The following C2orf42 variants were observed in gnomAD, a reference collection of about 807,000 sequenced individuals.
The protein encoded by C2orf42 is uncharacterized protein C2orf42.
In C2orf42, 44 loss-of-function variants were observed where a neutral mutation model predicts 58.9. The ratio of observed to expected loss-of-function variants is 0.75; its 90% CI spans 0.59 to 0.96. The LOEUF (loss-of-function observed/expected upper bound fraction) is 0.96. Among genes scored for constraint, C2orf42 ranks in the 40% least tolerant of loss-of-function variants. The probability of loss-of-function intolerance (pLI) is 0.00; values close to 1 mark genes in which losing one functional copy is unlikely to be tolerated. For missense variants in C2orf42, 630 were observed against 699.2 expected, an observed-to-expected ratio of 0.90 and a Z score of 1.12; for synonymous variants, 239 against 265.4, an observed-to-expected ratio of 0.90 and a Z score of 0.97.
chr2:70,158,007 C>T (rs1324897541), intron 9 of C2orf42, among the ~76,000 whole-genome samples: 1 of 151,930 alleles, frequency 6.6e-6, no homozygotes, highest in Non-Finnish European at 1.5e-5. Flanking sequence ...TCGACATCAG[C>T]CTGGTTAACA....
At chr2:70,189,752 C>A (rs1249764090) in intron 1 of C2orf42, among the ~76,000 whole-genome samples, 2 of 148,460 alleles carry the variant, frequency 1.3e-5, no homozygotes, top group Admixed American at 6.8e-5. Context: ...AGTAGCTGGA[C>A]GTGGTGGCTC....
At chr2:70,161,529 CATGT>C (rs1442985885) in intron 8 of C2orf42, among the ~76,000 whole-genome samples, 1 of 152,068 alleles carries the variant, frequency 6.6e-6, no homozygotes, top group Non-Finnish European at 1.5e-5. Flanking sequence ...CTAGGGTTCA[CATGT>C]ATTTACTTTT....
chr2:70,150,937 G>T (rs547356862), intron 9 of C2orf42, among the ~76,000 whole-genome samples: 1 of 152,234 alleles, frequency 6.6e-6, no homozygotes, highest in South Asian at 2.1e-4. Flanking sequence ...AGTAGAGATG[G>T]GGTTTCATCG....
chr2:70,160,741 G>A lies in C2orf42; in HGVS notation c.1400C>T (p.Thr467Ile). The change falls in exon 9 of 10, where the codon ACT becomes ATT. Residue 467 changes from threonine to isoleucine, a missense_variant. Transcript: ENST00000264434. Reference protein sequence around the residue: ...TRSFIQNRDGTYELFKCPKVE... With the variant: ...TRSFIQNRDGIYELFKCPKVE... The stretch of plus-strand genomic sequence containing the variant: ...TTTAGGGCATTTAAATAGCTCATAA[G>A]TCCCATCTCGGTTCTGGATAAAGCT... The A allele has an allele frequency of 6.2e-7, 1 of 1,611,062 alleles. No homozygotes were observed. Among genetic ancestry groups the A allele is most frequent in the Non-Finnish European group, 8.5e-7 (1 of 1,178,700 alleles).
chr2:70,177,211 G>T (rs932023629), intron 4 of C2orf42, among the ~76,000 whole-genome samples: 1 of 151,766 alleles, frequency 6.6e-6, no homozygotes, highest in African/African-American at 2.4e-5. Flanking sequence ...GATGGAGGCT[G>T]CAGTGAGCTG....
chr2:70,175,424 TTA>T (rs1251101763), intron 5 of C2orf42, among the ~76,000 whole-genome samples: 3 of 152,212 alleles, frequency 2.0e-5, no homozygotes, highest in African/African-American at 7.2e-5. Context: ...TAGCTCCCAC[TTA>T]TAAGTAAGAA....
At chr2:70,156,632 C>T (rs1228570351) in intron 9 of C2orf42, among the ~76,000 whole-genome samples, 5 of 151,770 alleles carry the variant, frequency 3.3e-5, no homozygotes, top group Admixed American at 6.6e-5. Context: ...GGCTGAGGCA[C>T]GAGGACTGCT....
chr2:70,163,311 C>T (rs1478357195), intron 8 of C2orf42, among the ~76,000 whole-genome samples: 1 of 151,832 alleles, frequency 6.6e-6, no homozygotes, highest in Non-Finnish European at 1.5e-5. Context: ...GTGGTGCGAT[C>T]TCGGCTCACT....
Position 70,163,512 on chromosome 2 carries a change from T to G in C2orf42, c.1353+1580A>C, listed in dbSNP as rs577101650. The stretch of plus-strand genomic sequence containing the variant: ...CACCCGCCTCGGCCTCCCAAAGTGC[T>G]GTGATTACAGGCGTGAGCCACCGCA... On this transcript the variant is annotated intron_variant, in intron 8 of 9. Transcript: ENST00000264434. Among the ~76,000 whole-genome samples, 568 of 152,170 alleles carry G rather than the reference T, an allele frequency of 3.7e-3. 4 individuals are homozygous for G. Among genetic ancestry groups the G allele is most frequent in the Middle Eastern group, 0.014 (4 of 294 alleles).
intron 1 of C2orf42, among the ~76,000 whole-genome samples, chr2:70,186,175 T>C (rs1316251963): frequency 1.3e-5 from 2 of 152,056 alleles, no homozygotes; most frequent in African/African-American, 4.8e-5. Context: ...TAGAATATTG[T>C]TCCAAAGTCA....
At chr2:70,176,334 C>T (rs1674189297) in intron 4 of C2orf42, among the ~76,000 whole-genome samples, 7 of 152,024 alleles carry the variant, frequency 4.6e-5, no homozygotes, top group Admixed American at 3.3e-4. Context: ...GAAACCCCAA[C>T]TCCACTAAAA....
At chr2:70,180,249 G>A (rs1034072360) in intron 3 of C2orf42, among the ~76,000 whole-genome samples, 15 of 151,964 alleles carry the variant, frequency 9.9e-5, no homozygotes, top group Admixed American at 3.3e-4. Context: ...CTGAGATTGC[G>A]CCATTGCATT....
intron 9 of C2orf42, among the ~76,000 whole-genome samples, chr2:70,159,714 T>C (rs1672935178): frequency 6.6e-6 from 1 of 152,190 alleles, no homozygotes; most frequent in African/African-American, 2.4e-5. Flanking sequence ...TTTTTCTTCT[T>C]TTAGTAAAGT....
At chr2:70,185,907 G>C (rs1169038454) in intron 1 of C2orf42, among the ~76,000 whole-genome samples, 1 of 150,998 alleles carries the variant, frequency 6.6e-6, no homozygotes, top group African/African-American at 2.4e-5. Context: ...CTTTGTTGTG[G>C]GGGCTATCCT....
Position 70,181,796 on chromosome 2 carries a change from C to T in C2orf42, c.190G>A (p.Val64Ile). 1 of 1,614,166 alleles carries T rather than the reference C, an allele frequency of 6.2e-7. No individual in the cohort carries two copies. The highest frequency in any genetic ancestry group is 1.1e-5 in the South Asian group (1 of 91,082). Residue 64 changes from valine to isoleucine, a missense_variant, in exon 3 of 10, where the codon GTC (valine) becomes ATC (isoleucine). Coordinates refer to ENST00000264434, the MANE Select transcript of C2orf42 (RefSeq NM_017880.3). ...AGATCAGAGCCTGTAATGATTTTGA[C>T]AGCTTCAACACTAGGCTGCTTGCGT... The part of the protein sequence containing the change: ...GARKQPSVEA[V>I]KIITGSDLQV...
intron 4 of C2orf42, among the ~76,000 whole-genome samples, chr2:70,176,814 C>T (rs1029062084): frequency 9.2e-5 from 14 of 152,028 alleles, no homozygotes; most frequent in African/African-American, 3.4e-4. Context: ...TTTATGCCTG[C>T]CTGATATTCT....
Position 70,150,526 on chromosome 2 carries a change from T to A in C2orf42, c.1555A>T (p.Ile519Phe). The A allele has an allele frequency of 1.2e-6, 2 of 1,614,018 alleles. No individual in the cohort carries two copies. Among genetic ancestry groups the A allele is most frequent in the Non-Finnish European group, 1.7e-6 (2 of 1,179,922 alleles). ...AGGATATCTGGGATCCACTCGATGA[T>A]GAAAGGTGTTGGCTCCTTTTGATCT... ...SPDQKEPTPF[I>F]IEWIPDILPQ... The change falls in exon 10 of 10, where the codon ATC becomes TTC. Residue 519 changes from isoleucine to phenylalanine, a missense_variant. Physicochemically the swap from Ile to Phe is conservative, Grantham distance 21. Transcript: ENST00000264434.
chr2:70,181,201 G>C lies in C2orf42; in HGVS notation c.785C>G (p.Ala262Gly), dbSNP rs1403595034. 5 of 1,585,212 alleles carry C rather than the reference G, an allele frequency of 3.2e-6. No individual in the cohort carries two copies. The highest frequency in any genetic ancestry group is 4.3e-6 in the Non-Finnish European group (5 of 1,160,146). Residue 262 changes from alanine to glycine, a missense_variant, in exon 3 of 10, where the codon GCT becomes GGT. Ala to Gly is a moderately conservative substitution (Grantham distance 60). Transcript: ENST00000264434. ...ICAFASDETLAQEFSDFLNFD... is the reference protein window; with the variant it reads ...ICAFASDETLGQEFSDFLNFD... ...ATTTAGGAAGTCTGAGAATTCCTGA[G>C]CCAGTGTCTCATCACTGGCAAAGGC... is the stretch of plus-strand genomic sequence containing the variant.
chr2:70,162,177 A>G (rs1352016216), intron 8 of C2orf42, among the ~76,000 whole-genome samples: 1 of 151,342 alleles, frequency 6.6e-6, no homozygotes, highest in Non-Finnish European at 1.5e-5. Flanking sequence ...ACGCCCGGCT[A>G]ATTTTTGTAT....
Sources: allele counts gnomAD v4.1 joint callset (sites outside exome capture counted in the v4.1 genomes callset), GRCh38; gene constraint gnomAD v4.1.1; transcripts MANE v1.5; gene names NCBI Gene and HGNC (gene_info 2026-07-23, HGNC 2026-07-21).